Variants in ZMAT4 observed in about 807,000 individuals in gnomAD.
The protein encoded by ZMAT4 is zinc finger matrin-type protein 4.
In ZMAT4, 17 loss-of-function variants were observed where a neutral mutation model predicts 28.7. The observed-to-expected ratio is 0.59, with a 90% CI of 0.41 to 0.89. The LOEUF (loss-of-function observed/expected upper bound fraction) is 0.89, where lower values mean the gene tolerates loss of function less well. Ranked by LOEUF, ZMAT4 falls within the 40% of genes least tolerant of loss-of-function variation. The probability of loss-of-function intolerance (pLI) is 0.00; values close to 1 mark genes in which losing one functional copy is unlikely to be tolerated. For synonymous variants in ZMAT4, 117 were observed against 109.2 expected, an observed-to-expected ratio of 1.07 and a Z score of -0.44; for missense variants, 240 against 283.8, an observed-to-expected ratio of 0.85 and a Z score of 1.11.
At chr8:40,842,297 G>A (rs1359614062) in intron 1 of ZMAT4, among the ~76,000 whole-genome samples, 1 of 152,174 alleles carries the variant, frequency 6.6e-6, no homozygotes, top group African/African-American at 2.4e-5. Context: ...GCAGAAACAG[G>A]GCAGCGATTC....
At chr8:40,722,902 C>A (rs1350941969) in intron 3 of ZMAT4, among the ~76,000 whole-genome samples, 1 of 152,158 alleles carries the variant, frequency 6.6e-6, no homozygotes, top group Non-Finnish European at 1.5e-5. Context: ...CACCAACATA[C>A]AAATTCTCAA....
intron 5 of ZMAT4, among the ~76,000 whole-genome samples, chr8:40,619,503 C>A (rs569641337): frequency 3.3e-5 from 5 of 152,120 alleles, no homozygotes; most frequent in Non-Finnish European, 5.9e-5. Context: ...AATGGGGAAA[C>A]CGTTGAGTCC....
chr8:40,590,451 C>A (rs1044080592), intron 5 of ZMAT4, among the ~76,000 whole-genome samples: 9 of 152,000 alleles, frequency 5.9e-5, no homozygotes, highest in Non-Finnish European at 1.3e-4. Flanking sequence ...GAGTTATCAT[C>A]TCCCCTAAGG....
intron 5 of ZMAT4, among the ~76,000 whole-genome samples, chr8:40,591,967 G>A (rs1804907910): frequency 2.8e-5 from 1 of 36,310 alleles, no homozygotes; most frequent in African/African-American, 9.2e-5. Flanking sequence ...ACTGCACTAG[G>A]TCTTTTATGG....
chr8:40,622,371 G>A (rs1344029130), intron 5 of ZMAT4, among the ~76,000 whole-genome samples: 1 of 152,156 alleles, frequency 6.6e-6, no homozygotes, highest in African/African-American at 2.4e-5. Flanking sequence ...CTTAAGGGGA[G>A]GCCCCTCTGA....
chr8:40,685,747 A>G (rs775094640), intron 4 of ZMAT4, among the ~76,000 whole-genome samples: 7 of 152,122 alleles, frequency 4.6e-5, no homozygotes, highest in Non-Finnish European at 8.8e-5. Context: ...TCAGGCCCCA[A>G]CCTCGACCAC....
chr8:40,874,363 G>T (rs747269717), intron 1 of ZMAT4, among the ~76,000 whole-genome samples: 67 of 152,322 alleles, frequency 4.4e-4, no homozygotes, highest in Admixed American at 1.8e-3. Context: ...ACCTGAAGAT[G>T]GTGGGTGGTG....
intron 3 of ZMAT4, among the ~76,000 whole-genome samples, chr8:40,751,304 T>A (rs915965524): frequency 2.0e-5 from 3 of 152,148 alleles, no homozygotes; most frequent in African/African-American, 7.2e-5. Context: ...GGTGCCAGCA[T>A]CTGCTTCTGG....
chr8:40,694,932 AC>A (rs960674079), intron 4 of ZMAT4, among the ~76,000 whole-genome samples: 1 of 151,754 alleles, frequency 6.6e-6, no homozygotes, highest in Non-Finnish European at 1.5e-5. Context: ...AGGACATGAG[AC>A]CCCCTTTCCA....
intron 5 of ZMAT4, among the ~76,000 whole-genome samples, chr8:40,590,023 T>TCCTTCCTTCCTTCCTA (rs1804836632): frequency 7.9e-6 from 1 of 126,626 alleles, no homozygotes; most frequent in Non-Finnish European, 1.7e-5. Flanking sequence ...CTTCCTTCCT[T>TCCTTCCTTCCTTCCTA]CCCTCCCTTC....
intron 6 of ZMAT4, among the ~76,000 whole-genome samples, chr8:40,566,453 G>A (rs563443231): frequency 2.0e-5 from 3 of 152,196 alleles, no homozygotes; most frequent in Non-Finnish European, 4.4e-5. Flanking sequence ...GTGCAGCAGA[G>A]GGTGGTCATT....
intron 1 of ZMAT4, among the ~76,000 whole-genome samples, chr8:40,894,360 T>C (rs1818798497): frequency 6.6e-6 from 1 of 152,144 alleles, no homozygotes. Context: ...TGTCCCCTGG[T>C]TAACTGTTTC....
chr8:40,595,322 A>G (rs1312112522), intron 5 of ZMAT4, among the ~76,000 whole-genome samples: 2 of 152,200 alleles, frequency 1.3e-5, no homozygotes, highest in Non-Finnish European at 2.9e-5. Context: ...AAAAGTATAC[A>G]CACATACATA....
intron 3 of ZMAT4, among the ~76,000 whole-genome samples, chr8:40,737,966 A>G (rs1811842475): frequency 6.6e-6 from 1 of 152,078 alleles, no homozygotes; most frequent in African/African-American, 2.4e-5. Context: ...TACAGCTAAG[A>G]TATTGAGGAT....
intron 5 of ZMAT4, among the ~76,000 whole-genome samples, chr8:40,582,892 A>T (rs926155739): frequency 7.2e-5 from 11 of 152,202 alleles, no homozygotes; most frequent in Non-Finnish European, 1.3e-4. Flanking sequence ...TTGAAGCCCT[A>T]CTGGGAAGTC....
intron 5 of ZMAT4, among the ~76,000 whole-genome samples, chr8:40,628,127 C>G (rs1254244377): frequency 6.6e-6 from 1 of 152,154 alleles, no homozygotes; most frequent in Non-Finnish European, 1.5e-5. Context: ...GTCTCAACAT[C>G]TCGATCATAG....
rs147208657 is a variant in ZMAT4 at position 40,596,612 on chromosome 8, A to G, written c.578-15351T>C. Among the ~76,000 whole-genome samples the G allele has an allele frequency of 3.7e-3, 566 of 152,322 alleles. 2 individuals are homozygous for G. Among genetic ancestry groups the G allele is most frequent in the African/African-American group, 0.013 (542 of 41,560 alleles). On this transcript the variant is annotated intron_variant, in intron 5 of 6. Coordinates refer to ENST00000297737, the MANE Select transcript of ZMAT4 (RefSeq NM_024645.3). ...GTGACAGGAATTTTTCAGCTCCATT[A>G]TAATTTTGTGAGAACACCATCATAT...
chr8:40,874,697 T>C (rs925748822), intron 1 of ZMAT4, among the ~76,000 whole-genome samples: 2 of 152,260 alleles, frequency 1.3e-5, no homozygotes, highest in East Asian at 3.8e-4. Context: ...AATTTATTGA[T>C]GGTTACACTT....
chr8:40,576,176 C>T (rs530214201), intron 6 of ZMAT4, among the ~76,000 whole-genome samples: 27 of 151,428 alleles, frequency 1.8e-4, no homozygotes, highest in Non-Finnish European at 1.5e-5. Flanking sequence ...ATATGGGAAA[C>T]CATAACACAA....
Sources: allele counts gnomAD v4.1 joint callset (sites outside exome capture counted in the v4.1 genomes callset), GRCh38; gene constraint gnomAD v4.1.1; transcripts MANE v1.5; gene names NCBI Gene and HGNC (gene_info 2026-07-23, HGNC 2026-07-21).